The following MYCT1 variants were observed in gnomAD, a reference collection of about 807,000 sequenced individuals.
MYCT1 encodes the protein MYC target 1.
In MYCT1, 12 loss-of-function variants were observed where a neutral mutation model predicts 15.0. That is an observed-to-expected ratio of 0.80 (90% CI 0.51 to 1.29). The LOEUF (loss-of-function observed/expected upper bound fraction) is 1.29, where lower values mean the gene tolerates loss of function less well. Among genes scored for constraint, MYCT1 ranks in the 50% most tolerant of loss-of-function variants. The probability of loss-of-function intolerance (pLI) is 0.00; values close to 1 mark genes in which losing one functional copy is unlikely to be tolerated. For synonymous variants in MYCT1, 104 were observed against 102.7 expected, an observed-to-expected ratio of 1.01 and a Z score of -0.07; for missense variants, 287 against 279.1, an observed-to-expected ratio of 1.03 and a Z score of -0.20.
chr6:152,703,940 T>TTTTTTATTTTA lies in MYCT1; in HGVS notation c.196+5846_196+5847insTATTTTATTTT, dbSNP rs1422135055. ...AATTTCTTGAAAATATTTTCCCTGT[T>TTTTTTATTTTA]TTTTATTTTATTTTATTTTATTTTA... On this transcript the variant is annotated intron_variant, in intron 1 of 1. Transcript: ENST00000367245. 3.2e-4 allele frequency among the ~76,000 whole-genome samples: 39 copies of TTTTTTATTTTA among 123,102 alleles called. No individual in the cohort carries two copies. The Middle Eastern group carries it at 0.012, about 38-fold the overall frequency. The allele number at this position is 123,102 out of a possible 152,430, so 80.8% of individuals were successfully genotyped here.
intron 1 of MYCT1, among the ~76,000 whole-genome samples, chr6:152,719,663 TA>T (rs1336073557): frequency 1.3e-5 from 2 of 152,226 alleles, no homozygotes; most frequent in Non-Finnish European, 2.9e-5. Flanking sequence ...CCACAGGAGA[TA>T]AATGTGACAA....
chr6:152,718,870 T>C (rs979234611), intron 1 of MYCT1, among the ~76,000 whole-genome samples: 3 of 152,180 alleles, frequency 2.0e-5, no homozygotes, highest in Non-Finnish European at 2.9e-5. Context: ...CTGAGATATT[T>C]AGAGTCTTCA....
the MYCT1 span, among the ~76,000 whole-genome samples, chr6:152,733,155 G>A: frequency 1.3e-5 from 2 of 152,176 alleles, no homozygotes; most frequent in Admixed American, 1.3e-4. Context: ...CCAGGTTGGA[G>A]TACAGTGGCA....
chr6:152,741,424 C>T, the MYCT1 span, among the ~76,000 whole-genome samples: 1 of 152,078 alleles, frequency 6.6e-6, no homozygotes, highest in African/African-American at 2.4e-5. Flanking sequence ...CACTTTTCCA[C>T]CTTGAATGTT....
chr6:152,731,605 G>A, the MYCT1 span, among the ~76,000 whole-genome samples: 1 of 152,124 alleles, frequency 6.6e-6, no homozygotes, highest in African/African-American at 2.4e-5. Flanking sequence ...CCACCTATGA[G>A]TGAGAACATG....
chr6:152,726,396 T>TAA (rs55634200), downstream of MYCT1, among the ~76,000 whole-genome samples: 61,599 of 127,202 alleles, frequency 0.48, 16,138 homozygotes, highest in East Asian at 0.61. Context: ...AAACTCTGTC[T>TAA]AAAAAAAAAA....
rs1459076699 is a variant in MYCT1, at chr6:152,722,077, G to C, written c.532G>C (p.Val178Leu). The C allele has an allele frequency of 2.5e-6, 4 of 1,613,966 alleles. No homozygotes were observed. The African/African-American group carries it at 5.3e-5, about 22-fold the overall frequency. ...CTTTCTGCAATGTCCACCACTTCCT[G>C]TGGAAACTGAGAGTCAGCTGGTGAC... ...HPFLQCPPLP[V>L]ETESQLVTLP... The change falls in exon 2 of 2, where the codon GTG (valine) becomes CTG (leucine). Residue 178 changes from valine to leucine, a missense_variant. Transcript: ENST00000367245.
chr6:152,735,877 G>T, the MYCT1 span, among the ~76,000 whole-genome samples: 1 of 152,094 alleles, frequency 6.6e-6, no homozygotes, highest in Non-Finnish European at 1.5e-5. Context: ...GTAAAGGAAT[G>T]TAACAGTTAA....
chr6:152,742,238 A>G, the MYCT1 span, among the ~76,000 whole-genome samples: 1 of 152,154 alleles, frequency 6.6e-6, no homozygotes, highest in African/African-American at 2.4e-5. Flanking sequence ...CCCAAATTTG[A>G]TGGGAGAATG....
chr6:152,698,600 T>A (rs1320320968), intron 1 of MYCT1, among the ~76,000 whole-genome samples: 1 of 152,120 alleles, frequency 6.6e-6, no homozygotes, highest in Non-Finnish European at 1.5e-5. Context: ...TGAATCCTAA[T>A]AACATCTGTA....
Position 152,698,060 on chromosome 6 carries a change from C to T in MYCT1, c.158C>T (p.Thr53Ile). 6.2e-7 allele frequency: 1 copy of T among 1,603,168 alleles called. No homozygotes were observed. Among genetic ancestry groups the T allele is most frequent in the African/African-American group, 1.4e-5 (1 of 74,050 alleles). The part of the protein sequence containing the change: ...LFLVDIMANN[T>I]TSLGSPWPEN... ...CTTGTGGATATTATGGCTAATAACACAACAAGTTTAGGGAGTCCATGGCCA... is the reference window on the plus strand; with the variant it reads ...CTTGTGGATATTATGGCTAATAACATAACAAGTTTAGGGAGTCCATGGCCA... The change falls in exon 1 of 2, where the codon ACA becomes ATA. Residue 53 changes from threonine to isoleucine, a missense_variant. Transcript: ENST00000367245.
downstream of MYCT1, among the ~76,000 whole-genome samples, chr6:152,728,772 C>T (rs1211452636): frequency 2.6e-5 from 4 of 152,022 alleles, no homozygotes; most frequent in Admixed American, 2.6e-4. Context: ...ATCCCAGCTA[C>T]TCGGGAGGCT....
the MYCT1 span, among the ~76,000 whole-genome samples, chr6:152,741,700 A>G: frequency 1.3e-5 from 2 of 152,166 alleles, no homozygotes; most frequent in South Asian, 2.1e-4. Context: ...AAGTTACACT[A>G]TTTTTGTTTT....
At chr6:152,699,206 G>T (rs1363043794) in intron 1 of MYCT1, among the ~76,000 whole-genome samples, 1 of 152,022 alleles carries the variant, frequency 6.6e-6, no homozygotes, top group East Asian at 1.9e-4. Flanking sequence ...ACAGAAATTT[G>T]CATGAAAAGA....
At chr6:152,726,396 TAA>T (rs55634200), downstream of MYCT1, among the ~76,000 whole-genome samples, 4 of 127,688 alleles carry the variant, frequency 3.1e-5, no homozygotes, top group Admixed American at 7.8e-5. Flanking sequence ...AAACTCTGTC[TAA>T]AAAAAAAAAA....
In MYCT1 at chr6:152,722,699, T is replaced by C. The variant is rs1020530971; in HGVS notation, c.*446T>C. ...GATTTGGATTTTACTTTCTTTAGAA[T>C]GACAAGTGAATCATATTGACATTTT... On this transcript the variant is annotated 3_prime_UTR_variant, in exon 2 of 2. Coordinates refer to ENST00000367245, the MANE Select transcript of MYCT1 (RefSeq NM_025107.3). 15 of 329,992 alleles carry C rather than the reference T, an allele frequency of 4.5e-5. No individual in the cohort carries two copies. Among genetic ancestry groups the C allele is most frequent in the African/African-American group, 3.1e-4 (14 of 45,624 alleles). The allele number at this position is 329,992 out of a possible 1,614,324, so 20.4% of individuals were successfully genotyped here. A position where few individuals can be genotyped will look rare whatever the true frequency, so the allele number is the denominator to read the frequency against.
chr6:152,746,205 G>A, the MYCT1 span, among the ~76,000 whole-genome samples: 83 of 152,226 alleles, frequency 5.5e-4, no homozygotes, highest in African/African-American at 1.8e-3. Flanking sequence ...AGTAAACACA[G>A]AGGGTGATTG....
chr6:152,745,284 C>T, the MYCT1 span, among the ~76,000 whole-genome samples: 1 of 152,042 alleles, frequency 6.6e-6, no homozygotes, highest in Admixed American at 6.6e-5. Flanking sequence ...GTAAAATGAA[C>T]ACAAAAATTT....
the MYCT1 span, among the ~76,000 whole-genome samples, chr6:152,735,045 T>C: frequency 6.6e-6 from 1 of 152,124 alleles, no homozygotes; most frequent in Non-Finnish European, 1.5e-5. Flanking sequence ...TGAAAGAAGG[T>C]TTCTAAAAAG....
Sources: allele counts gnomAD v4.1 joint callset (sites outside exome capture counted in the v4.1 genomes callset), GRCh38; gene constraint gnomAD v4.1.1; transcripts MANE v1.5; gene names NCBI Gene and HGNC (gene_info 2026-07-23, HGNC 2026-07-21).